FBXW4: variants seen among roughly 807,000 people sequenced by gnomAD.
FBXW4 encodes F-box/WD repeat-containing protein 4.
In FBXW4, 40 loss-of-function variants were observed where a neutral mutation model predicts 61.8. The observed-to-expected ratio is 0.65, with a 90% CI of 0.50 to 0.84. FBXW4 has a LOEUF of 0.84. FBXW4 is among the 40% of genes least tolerant of loss of function. The probability of loss-of-function intolerance (pLI) is 0.00; values close to 1 mark genes in which losing one functional copy is unlikely to be tolerated. For synonymous variants in FBXW4, 311 were observed against 313.8 expected (o/e 0.99, Z 0.10); for missense variants, 672 against 753.8 (o/e 0.89, Z 1.27).
At chr10:101,670,699 A>G (rs2064351000) in intron 4 of FBXW4, among the ~76,000 whole-genome samples, 1 of 152,216 alleles carries the variant, frequency 6.6e-6, no homozygotes, top group Non-Finnish European at 1.5e-5. Flanking sequence ...CACTCATAAG[A>G]AAGAACAGAG....
At chr10:101,637,949 A>C (rs1429033395) in intron 5 of FBXW4, among the ~76,000 whole-genome samples, 2 of 152,148 alleles carry the variant, frequency 1.3e-5, no homozygotes, top group Non-Finnish European at 2.9e-5. Context: ...ATTTTTCAAA[A>C]AACGGATATT....
chr10:101,663,316 G>A (rs549182236), intron 5 of FBXW4, among the ~76,000 whole-genome samples: 34 of 152,270 alleles, frequency 2.2e-4, no homozygotes, highest in African/African-American at 5.5e-4. Flanking sequence ...AAGCTGACAC[G>A]TATCAAGTGT....
At chr10:101,674,819 G>A (rs1362451660) in intron 2 of FBXW4, among the ~76,000 whole-genome samples, 1 of 152,234 alleles carries the variant, frequency 6.6e-6, no homozygotes, top group East Asian at 1.9e-4. Context: ...CCTGTGGCAG[G>A]GAATGAGACT....
chr10:101,655,554 C>A (rs894450490), intron 5 of FBXW4, among the ~76,000 whole-genome samples: 14 of 152,182 alleles, frequency 9.2e-5, no homozygotes, highest in African/African-American at 2.7e-4. Context: ...CCCAGCTGAC[C>A]CTTCTCTTAG....
intron 6 of FBXW4, among the ~76,000 whole-genome samples, chr10:101,614,734 G>T (rs191054400): frequency 1.3e-5 from 2 of 152,316 alleles, no homozygotes; most frequent in East Asian, 1.9e-4. Flanking sequence ...GGACCCTCAA[G>T]GCTCTGTTGT....
At chr10:101,660,360 C>T (rs1327814126) in intron 5 of FBXW4, 1 of 630,408 alleles carries the variant, frequency 1.6e-6, no homozygotes, top group Admixed American at 6.3e-5. Context: ...TGTGACAGGC[C>T]ATGAAAGGTC....
chr10:101,622,837 C>T (rs974658540), intron 6 of FBXW4: 1 of 147,296 alleles, frequency 6.8e-6, no homozygotes, highest in African/African-American at 2.5e-5. Context: ...ACTGTCAAAA[C>T]TCAATGGTAA....
intron 6 of FBXW4, among the ~76,000 whole-genome samples, chr10:101,619,975 G>C (rs1367455158): frequency 6.6e-6 from 1 of 152,202 alleles, no homozygotes; most frequent in Non-Finnish European, 1.5e-5. Flanking sequence ...CTGGTGCCCA[G>C]TGGGTGGCTA....
At chr10:101,669,388 G>A (rs1418837546) in intron 4 of FBXW4, among the ~76,000 whole-genome samples, 1 of 152,166 alleles carries the variant, frequency 6.6e-6, no homozygotes, top group Non-Finnish European at 1.5e-5. Flanking sequence ...AACTCCCTGG[G>A]AGGCAGATTC....
chr10:101,688,023 G>A (rs74153052), intron 1 of FBXW4, among the ~76,000 whole-genome samples: 1,552 of 152,310 alleles, frequency 0.01, 22 homozygotes, highest in African/African-American at 0.036. Context: ...AGTGAAGACC[G>A]TGAAAACTGT....
chr10:101,629,672 G>A (rs1176810592), intron 5 of FBXW4, among the ~76,000 whole-genome samples: 2 of 151,852 alleles, frequency 1.3e-5, no homozygotes, highest in Admixed American at 1.3e-4. Flanking sequence ...CTAGTGGACT[G>A]GAATTGGAAC....
At chr10:101,641,108 G>A (rs549160643) in intron 5 of FBXW4, among the ~76,000 whole-genome samples, 92 of 152,294 alleles carry the variant, frequency 6.0e-4, no homozygotes, top group Non-Finnish European at 1.0e-3. Flanking sequence ...TGGGATTACA[G>A]GCATGAGCCA....
intron 3 of FBXW4, 26 bp from the exon 4 acceptor site, chr10:101,673,073 C>T (rs551508882): frequency 6.2e-7 from 1 of 1,603,406 alleles, no homozygotes; most frequent in East Asian, 2.2e-5. Flanking sequence ...GGAGCCGACC[C>T]CCAAGAACCA....
Position 101,665,869 on chromosome 10 carries a change from T to C in FBXW4, c.1235+2017A>G, listed in dbSNP as rs2064294062. On this transcript the variant is annotated intron_variant, in intron 5 of 8. Coordinates refer to ENST00000331272, the MANE Select transcript of FBXW4 (RefSeq NM_022039.4). Reference sequence around the variant, plus strand: ...AGGGATGCAGGGCAGAGCCTGTTTGTGTTCTTTGGCTTCAATCCATATGAA... The same window carrying C: ...AGGGATGCAGGGCAGAGCCTGTTTGCGTTCTTTGGCTTCAATCCATATGAA... Among the ~76,000 whole-genome samples the C allele has an allele frequency of 2.6e-5, 4 of 152,280 alleles. No individual in the cohort carries two copies. The South Asian group carries it at 8.3e-4, about 32-fold the overall frequency.
chr10:101,625,478 TAACA>T (rs1189616789), intron 5 of FBXW4: 1 of 152,132 alleles, frequency 6.6e-6, no homozygotes, highest in Non-Finnish European at 1.5e-5. Flanking sequence ...CTGAGGCCAA[TAACA>T]AACAACGCCG....
At chr10:101,629,279 G>A (rs1045605071) in intron 5 of FBXW4, among the ~76,000 whole-genome samples, 1 of 151,366 alleles carries the variant, frequency 6.6e-6, no homozygotes, top group Non-Finnish European at 1.5e-5. Context: ...TATGCAGTAG[G>A]TACCACTTTC....
chr10:101,694,761 T>G lies in FBXW4; in HGVS notation c.345A>C (p.Arg115Ser). ...SAGAGKEAQGREYGKKEEWRV... is the reference protein window; with the variant it reads ...SAGAGKEAQGSEYGKKEEWRV... ...TCCATTCCTCCTTCTTCCCATACTCTCTTCCTTGTGCCTCCTTCCCGGCCC... is the reference window on the plus strand; with the variant it reads ...TCCATTCCTCCTTCTTCCCATACTCGCTTCCTTGTGCCTCCTTCCCGGCCC... The change falls in exon 1 of 9, where the codon AGA (arginine) becomes AGC (serine). Residue 115 changes from arginine (R) to serine (S), a missense_variant. Physicochemically the swap from Arg to Ser is moderately radical, Grantham distance 110. This residue lies in a region of FBXW4 where 311 missense variants were observed against 301.1 expected (regional missense o/e 1.03). Coordinates refer to ENST00000331272, the MANE Select transcript of FBXW4 (RefSeq NM_022039.4). The surrounding 1 kb of genome is among the most constrained non-coding windows in gnomAD (Gnocchi z 6.0). 2.2e-6 allele frequency: 3 copies of G among 1,354,258 alleles called. No homozygotes were observed. The highest frequency in any genetic ancestry group is 6.2e-5 in the East Asian group (2 of 32,168). 83.9% of individuals were successfully genotyped at this position (1,354,258 alleles called of 1,614,324 possible).
chr10:101,648,505 C>T (rs1042019657), intron 5 of FBXW4, among the ~76,000 whole-genome samples: 2 of 152,076 alleles, frequency 1.3e-5, no homozygotes, highest in African/African-American at 4.8e-5. Flanking sequence ...ACATGAGCTC[C>T]GGGGCTGCAG....
intron 1 of FBXW4, among the ~76,000 whole-genome samples, chr10:101,688,350 G>A (rs2064554477): frequency 6.6e-6 from 1 of 152,200 alleles, no homozygotes; most frequent in Admixed American, 6.5e-5. Flanking sequence ...CAAAAAAGAA[G>A]AGGAAGAAGA....
Sources: gnomAD v4.1 joint callset for allele counts (sites outside exome capture counted in the v4.1 genomes callset) on GRCh38, gnomAD v4.1.1 for gene constraint, gnomAD v4.1.1 regional missense constraint, Gnocchi (gnomAD v3.1) non-coding constraint, MANE v1.5 for transcripts, NCBI Gene and HGNC (gene_info 2026-07-23, HGNC 2026-07-21) for gene names.